The following VIL1 variants were observed in gnomAD, a reference collection of about 807,000 sequenced individuals.
VIL1 encodes the protein villin 1.
VIL1 carries 86 observed loss-of-function variants against 104.0 expected under a neutral mutation model. That is an observed-to-expected ratio of 0.83 (90% confidence interval 0.69 to 0.99). The LOEUF is 0.99. Ranked by LOEUF, VIL1 falls within the 50% of genes least tolerant of loss-of-function variation. The pLI, the probability that VIL1 is intolerant of heterozygous loss-of-function variation, is 0.00. For missense variants in VIL1, 944 were observed against 1,054.1 expected (o/e 0.90, Z 1.45); for synonymous variants, 394 against 412.6 (o/e 0.95, Z 0.55).
In VIL1 at chr2:218,444,529, T is replaced by C. The variant is rs772052956; in HGVS notation, c.2370+3667T>C. Among the ~76,000 whole-genome samples the C allele has an allele frequency of 1.9e-3, 288 of 149,662 alleles. 2 individuals carry two copies. Among genetic ancestry groups the C allele is most frequent in the Non-Finnish European group, 1.4e-3 (91 of 67,150 alleles). Reference sequence around the variant, plus strand: ...TCCCGACCTTGTGATCTGCCCGCCTTGGCCTCCCAAAGTGCTGGGATTACA... The same window carrying C: ...TCCCGACCTTGTGATCTGCCCGCCTCGGCCTCCCAAAGTGCTGGGATTACA... On this transcript the variant is annotated intron_variant, in intron 19 of 19. Coordinates refer to ENST00000248444, the MANE Select transcript of VIL1 (RefSeq NM_007127.3).
rs1689194739 is a variant in VIL1, at chr2:218,436,524, G to A, written c.1869G>A (p.Glu623=). 1.2e-6 allele frequency: 2 copies of A among 1,613,888 alleles called. No individual in the cohort carries two copies. The highest frequency in any genetic ancestry group is 1.3e-5 in the African/African-American group (1 of 74,802). The change falls in exon 16 of 20, where the codon GAG becomes GAA. Residue 623 remains glutamate (E), a synonymous_variant. Coordinates refer to ENST00000248444, the MANE Select transcript of VIL1 (RefSeq NM_007127.3). ...TGGTCATCACCCCCCGGCTCTTTGA[G>A]TGTTCCAACAAGACTGGGCGCTTCC... is the stretch of plus-strand genomic sequence containing the variant. ...ENLVITPRLF[E]CSNKTGRFLA...
At chr2:218,420,836 C>T (rs1688890329) in intron 1 of VIL1, among the ~76,000 whole-genome samples, 1 of 152,154 alleles carries the variant, frequency 6.6e-6, no homozygotes. Context: ...CCGCCTGCCT[C>T]GGCCTCCCAA....
Position 218,431,206 on chromosome 2 carries a change from C to T in VIL1, c.1102+328C>T, listed in dbSNP as rs1050494418. The T allele has an allele frequency of 1.5e-4, 75 of 492,190 alleles. No homozygotes were observed. In the East Asian group the frequency reaches 2.6e-3, roughly 17 times the overall value. 30.5% of individuals were successfully genotyped at this position (492,190 alleles called of 1,614,324 possible). A position where few individuals can be genotyped will look rare whatever the true frequency, so the allele number is the denominator to read the frequency against. On this transcript the variant is annotated intron_variant, in intron 10 of 19. Coordinates refer to ENST00000248444, the MANE Select transcript of VIL1 (RefSeq NM_007127.3). ...CTGAAAAAAAGAACTAATAAATTAGCCAAGCATGGTGGTGCATGCCTGTAA... is the reference window on the plus strand; with the variant it reads ...CTGAAAAAAAGAACTAATAAATTAGTCAAGCATGGTGGTGCATGCCTGTAA...
intron 17 of VIL1, among the ~76,000 whole-genome samples, chr2:218,438,442 G>A (rs924348003): frequency 1.3e-5 from 2 of 152,190 alleles, no homozygotes; most frequent in South Asian, 2.1e-4. Context: ...TATAGCCTGC[G>A]CTCCACTTTT....
chr2:218,434,754 G>A lies in VIL1; in HGVS notation c.1680+49G>A, dbSNP rs185883198. 1.1e-3 allele frequency: 1,654 copies of A among 1,553,714 alleles called. 21 individuals carry two copies. Among genetic ancestry groups the A allele is most frequent in the Middle Eastern group, 1.7e-4 (1 of 5,772 alleles). Reference sequence around the variant, plus strand: ...CCCCATCCGCAAGTGGGTCCTGGGAGTCCCCCAGTTTCGCAGCAGCCCTAG... The same window carrying A: ...CCCCATCCGCAAGTGGGTCCTGGGAATCCCCCAGTTTCGCAGCAGCCCTAG... On this transcript the variant is annotated intron_variant, in intron 14 of 19. Transcript: ENST00000248444.
At chr2:218,445,008 G>A (rs1464535750) in intron 19 of VIL1, among the ~76,000 whole-genome samples, 1 of 152,196 alleles carries the variant, frequency 6.6e-6, no homozygotes, top group Non-Finnish European at 1.5e-5. Context: ...CAGCTGTGAG[G>A]AACCTGGGGG....
At chr2:218,438,607 C>T (rs373174095) in intron 17 of VIL1, 51 bp from the exon 18 acceptor site, 1 of 1,535,110 alleles carries the variant, frequency 6.5e-7, no homozygotes, top group Non-Finnish European at 8.9e-7. Flanking sequence ...GCTTCTCATC[C>T]ATCTCCTCTG....
At chr2:218,431,305 C>A in intron 10 of VIL1, 9 of 189,502 alleles carry the variant, frequency 4.7e-5, no homozygotes, top group East Asian at 1.3e-4. Flanking sequence ...GAGCCAAGAT[C>A]ATGCCATTGC....
In VIL1 at chr2:218,450,712, G is replaced by A. The variant is rs1407972083; in HGVS notation, c.*1376G>A. ...TTAGTTGACTGTTCTTCTTTGTTCT[G>A]GCATCTGACTGGACCAACCTGGAAC... On this transcript the variant is annotated 3_prime_UTR_variant, in exon 20 of 20. Coordinates refer to ENST00000248444, the MANE Select transcript of VIL1 (RefSeq NM_007127.3). 6.6e-6 allele frequency: 1 copy of A among 152,122 alleles called. No individual in the cohort carries two copies. The highest frequency in any genetic ancestry group is 6.6e-5 in the Admixed American group (1 of 15,250). 9.4% of individuals were successfully genotyped at this position (152,122 alleles called of 1,614,324 possible). A position where few individuals can be genotyped will look rare whatever the true frequency, so the allele number is the denominator to read the frequency against.
chr2:218,433,910 A>AG (rs1314491914), intron 13 of VIL1, among the ~76,000 whole-genome samples: 1 of 149,738 alleles, frequency 6.7e-6, no homozygotes, highest in Non-Finnish European at 1.5e-5. Flanking sequence ...GGAAAAAAAA[A>AG]AAAAGGCTAG....
intron 19 of VIL1, among the ~76,000 whole-genome samples, chr2:218,441,715 C>T (rs576416218): frequency 2.0e-5 from 3 of 151,984 alleles, no homozygotes; most frequent in South Asian, 2.1e-4. Context: ...TGGCCTGGCA[C>T]GGTGGCTCAT....
Position 218,435,306 on chromosome 2 carries a change from G to A in VIL1, c.1698G>A (p.Glu566=), listed in dbSNP as rs1297009972. ...TTTCCTAGGGTTGTAGCGGGGACGA[G>A]CGGGAGATGGCCAAGATGGTTGCTG... ...LWCGKGCSGD[E]REMAKMVADT... Residue 566 remains glutamate, a synonymous_variant, in exon 15 of 20, where the codon GAG becomes GAA. Coordinates refer to ENST00000248444, the MANE Select transcript of VIL1 (RefSeq NM_007127.3). 6.2e-7 allele frequency: 1 copy of A among 1,614,012 alleles called. No homozygotes were observed. The highest frequency in any genetic ancestry group is 1.3e-5 in the African/African-American group (1 of 75,040).
chr2:218,443,685 C>A (rs996018115), intron 19 of VIL1, among the ~76,000 whole-genome samples: 3 of 151,594 alleles, frequency 2.0e-5, no homozygotes, highest in African/African-American at 7.3e-5. Context: ...GACAGAGCCT[C>A]TTTCTGTTGC....
intron 4 of VIL1, among the ~76,000 whole-genome samples, chr2:218,427,735 G>A (rs1006232194): frequency 6.6e-6 from 1 of 151,968 alleles, no homozygotes; most frequent in Non-Finnish European, 1.5e-5. Context: ...AGACTTTAAG[G>A]TTGCTCTCAC....
At chr2:218,428,650 A>G (rs537156781) in intron 6 of VIL1, among the ~76,000 whole-genome samples, 1 of 152,260 alleles carries the variant, frequency 6.6e-6, no homozygotes, top group Admixed American at 6.5e-5. Context: ...GCACTGTGAG[A>G]CTGCAGGCAT....
intron 3 of VIL1, among the ~76,000 whole-genome samples, chr2:218,424,807 C>T (rs1688951979): frequency 6.6e-6 from 1 of 152,138 alleles, no homozygotes; most frequent in South Asian, 2.1e-4. Context: ...CAGGCACGTG[C>T]CACCACAGTC....
intron 19 of VIL1, among the ~76,000 whole-genome samples, chr2:218,444,259 C>T (rs1689328873): frequency 2.0e-5 from 3 of 152,064 alleles, no homozygotes; most frequent in African/African-American, 7.2e-5. Flanking sequence ...CATGAGCCAC[C>T]ACACCTGGAC....
Position 218,432,883 on chromosome 2 carries a change from C to A in VIL1, c.1432C>A (p.Arg478=). The change falls in exon 13 of 20, where the codon CGG becomes AGG. Residue 478 remains arginine, a synonymous_variant. Coordinates refer to ENST00000248444, the MANE Select transcript of VIL1 (RefSeq NM_007127.3). ...GTACAATGGTGAACCAGTCCAGATCCGGGTCCCAATGGGCAAGGAGCCACC... is the reference window on the plus strand; with the variant it reads ...GTACAATGGTGAACCAGTCCAGATCAGGGTCCCAATGGGCAAGGAGCCACC... The part of the protein sequence containing the change: ...QKYNGEPVQI[R]VPMGKEPPHL... 2 of 1,614,192 alleles carry A rather than the reference C, an allele frequency of 1.2e-6. No homozygotes were observed.
intron 18 of VIL1, among the ~76,000 whole-genome samples, chr2:218,439,557 G>C (rs1458975345): frequency 6.6e-6 from 1 of 152,082 alleles, no homozygotes; most frequent in Non-Finnish European, 1.5e-5. Context: ...AGTGGCTCAC[G>C]CCTGTAATCT....
Sources: allele counts gnomAD v4.1 joint callset (sites outside exome capture counted in the v4.1 genomes callset), GRCh38; gene constraint gnomAD v4.1.1; transcripts MANE v1.5; gene names NCBI Gene and HGNC (gene_info 2026-07-23, HGNC 2026-07-21).